Variants in DNAH14 observed in about 807,000 individuals in gnomAD.
DNAH14 encodes dynein axonemal heavy chain 14, also known as axonemal beta dynein heavy chain 14.
A neutral mutation model predicts 520.9 loss-of-function variants in DNAH14; 478 were observed. The observed-to-expected ratio is 0.92, with a 90% CI of 0.85 to 0.99. The LOEUF (loss-of-function observed/expected upper bound fraction) is 0.99, where lower values mean the gene tolerates loss of function less well. DNAH14 is among the 50% of genes least tolerant of loss of function. The pLI, the probability that DNAH14 is intolerant of heterozygous loss-of-function variation, is 0.00. For synonymous variants in DNAH14, 1,581 were observed against 1,757.2 expected, an observed-to-expected ratio of 0.90 and a Z score of 2.51; for missense variants, 4,831 against 5,234.5, an observed-to-expected ratio of 0.92 and a Z score of 2.38.
In DNAH14 at chr1:225,051,704, CA is replaced by C. The variant is rs1372148237; in HGVS notation, c.2334del (p.Glu779AsnfsTer12). 1.3e-6 allele frequency: 2 copies of C among 1,551,056 alleles called. No homozygotes were observed. The highest frequency in any genetic ancestry group is 1.4e-5 in the African/African-American group (1 of 73,060). On this transcript the variant is annotated frameshift_variant, in exon 17 of 86. Coordinates refer to ENST00000682510, the MANE Select transcript of DNAH14 (RefSeq NM_001367479.1). LOFTEE classifies it high-confidence loss of function. ...IFNVVSLDYQ[S>X]ECLLYIDNVI... ...AACGTTGTAAGTCTTGATTATCAAT[CA>C]GAATGCTTACTGTATATTGACAACG...
At chr1:225,085,009 T>C (rs965496660) in intron 20 of DNAH14, among the ~76,000 whole-genome samples, 6 of 152,060 alleles carry the variant, frequency 3.9e-5, no homozygotes, top group African/African-American at 1.4e-4. Flanking sequence ...CCATCCTTAA[T>C]AATTCATCTT....
chr1:225,021,181 C>A (rs1330461136), intron 10 of DNAH14, among the ~76,000 whole-genome samples: 1 of 152,158 alleles, frequency 6.6e-6, no homozygotes. Flanking sequence ...GGCAAGCACA[C>A]AGTGAACATC....
At chr1:225,337,640 G>A in intron 67 of DNAH14, 144 bp downstream of exon 67, 1 of 661,996 alleles carries the variant, frequency 1.5e-6, no homozygotes, top group Non-Finnish European at 2.6e-6. Context: ...CTTACAGACA[G>A]AGAGTGAGTT....
chr1:225,094,792 A>G (rs1332676170), intron 21 of DNAH14, among the ~76,000 whole-genome samples: 6 of 149,838 alleles, frequency 4.0e-5, no homozygotes, highest in East Asian at 1.9e-4. Context: ...TCCAGAATCT[A>G]TAAGGAACTT....
At chr1:224,945,327 T>C (rs545067820) in intron 1 of DNAH14, among the ~76,000 whole-genome samples, 1 of 152,232 alleles carries the variant, frequency 6.6e-6, no homozygotes, top group Non-Finnish European at 1.5e-5. Context: ...TTATCGTGCC[T>C]TGGTTGTCAG....
At chr1:224,990,727 T>C (rs2062978502) in intron 8 of DNAH14, among the ~76,000 whole-genome samples, 1 of 152,238 alleles carries the variant, frequency 6.6e-6, no homozygotes, top group Non-Finnish European at 1.5e-5. Context: ...TTCCATAACC[T>C]GGCTGTTGTG....
chr1:225,094,656 C>CAAAAAAAA (rs760828776), intron 21 of DNAH14, among the ~76,000 whole-genome samples: 168 of 77,540 alleles, frequency 2.2e-3, no homozygotes, highest in Non-Finnish European at 3.8e-3. Flanking sequence ...TTCTGCACAG[C>CAAAAAAAA]AAAAAAAAAA....
chr1:225,387,241 TG>T (rs1023567756), intron 81 of DNAH14, among the ~76,000 whole-genome samples: 24 of 142,192 alleles, frequency 1.7e-4, no homozygotes, highest in Non-Finnish European at 2.4e-4. Context: ...CTGTCATGTG[TG>T]GGGGGGAGGG....
At chr1:225,179,201 GTT>G (rs1404110448) in intron 36 of DNAH14, among the ~76,000 whole-genome samples, 1 of 152,154 alleles carries the variant, frequency 6.6e-6, no homozygotes, top group East Asian at 1.9e-4. Flanking sequence ...GGAGAATTTA[GTT>G]CATTTACATT....
chr1:224,938,264 A>T (rs148391233), intron 1 of DNAH14, among the ~76,000 whole-genome samples: 29 of 152,334 alleles, frequency 1.9e-4, no homozygotes, highest in Non-Finnish European at 3.5e-4. Flanking sequence ...GACAATCTAC[A>T]GAAAGGGAGA....
At chr1:225,115,987 G>A (rs2076842862) in intron 23 of DNAH14, among the ~76,000 whole-genome samples, 1 of 152,182 alleles carries the variant, frequency 6.6e-6, no homozygotes, top group African/African-American at 2.4e-5. Flanking sequence ...CCAGCCTGTA[G>A]GCAATGATAA....
intron 1 of DNAH14, among the ~76,000 whole-genome samples, chr1:224,930,647 G>GA (rs1384094223): frequency 1.3e-5 from 2 of 152,148 alleles, no homozygotes; most frequent in African/African-American, 4.8e-5. Context: ...GCCCAGGCTG[G>GA]AGTGCAGTGG....
chr1:225,319,647 C>A (rs2094525809), intron 61 of DNAH14, among the ~76,000 whole-genome samples: 1 of 152,128 alleles, frequency 6.6e-6, no homozygotes, highest in Non-Finnish European at 1.5e-5. Flanking sequence ...ACTTCTTTTT[C>A]TTTCATTCGT....
At chr1:225,102,349 A>G (rs1229798194) in intron 23 of DNAH14, among the ~76,000 whole-genome samples, 1 of 152,126 alleles carries the variant, frequency 6.6e-6, no homozygotes, top group African/African-American at 2.4e-5. Context: ...CACAATAAAC[A>G]TACGTGTGCA....
intron 81 of DNAH14, among the ~76,000 whole-genome samples, chr1:225,382,120 T>A (rs561997568): frequency 6.6e-6 from 1 of 152,322 alleles, no homozygotes; most frequent in Non-Finnish European, 1.5e-5. Flanking sequence ...CTGAATCCTA[T>A]ACCAGATTGA....
chr1:225,177,819 T>A (rs558783615), intron 36 of DNAH14, among the ~76,000 whole-genome samples: 100 of 152,258 alleles, frequency 6.6e-4, no homozygotes, highest in African/African-American at 2.2e-3. Context: ...GCTAGGGTAG[T>A]GCAGAAGGGA....
chr1:225,340,262 GGTT>G (rs2095151498), intron 68 of DNAH14, among the ~76,000 whole-genome samples, 192 bp from the exon 69 acceptor site: 2 of 151,848 alleles, frequency 1.3e-5, no homozygotes, highest in African/African-American at 4.8e-5. Context: ...CACAGTCTGT[GGTT>G]GTATTTTTTT....
At chr1:225,090,497 C>G (rs2074280016) in intron 21 of DNAH14, among the ~76,000 whole-genome samples, 1 of 152,020 alleles carries the variant, frequency 6.6e-6, no homozygotes, top group African/African-American at 2.4e-5. Context: ...CATTATAAGG[C>G]CACAGTTATC....
chr1:225,186,375 C>T lies in DNAH14; in HGVS notation c.5670+950C>T, dbSNP rs545855101. On this transcript the variant is annotated intron_variant, in intron 37 of 85. Coordinates refer to ENST00000682510, the MANE Select transcript of DNAH14 (RefSeq NM_001367479.1). The stretch of plus-strand genomic sequence containing the variant: ...ATAACTAATAAGAGGTGAATTATCA[C>T]AGCAATAATAATAATAACTAATATG... Among the ~76,000 whole-genome samples, 11 of 151,830 alleles carry T rather than the reference C, an allele frequency of 7.2e-5. No individual in the cohort carries two copies. The South Asian group carries it at 2.3e-3, about 31-fold the overall frequency.
Sources: allele counts gnomAD v4.1 joint callset (sites outside exome capture counted in the v4.1 genomes callset), GRCh38; gene constraint gnomAD v4.1.1; transcripts MANE v1.5; gene names NCBI Gene and HGNC (gene_info 2026-07-23, HGNC 2026-07-21).